The following UGT1A10 variants were observed in gnomAD, a reference collection of about 807,000 sequenced individuals.
UGT1A10 encodes the protein UDP-glucuronosyltransferase 1A10.
UGT1A10 carries 49 observed loss-of-function variants against 45.8 expected under a neutral mutation model. The ratio of observed to expected loss-of-function variants is 1.07; its 90% CI spans 0.85 to 1.36. UGT1A10 has a LOEUF of 1.36. Among genes scored for constraint, UGT1A10 ranks in the 40% most tolerant of loss-of-function variants. The pLI is 0.00. For missense variants in UGT1A10, 745 were observed against 668.6 expected (o/e 1.11, Z -1.26); for synonymous variants, 284 against 249.7 (o/e 1.14, Z -1.29).
At chr2:233,650,465 C>G (rs966587936) in intron 1 of UGT1A10, among the ~76,000 whole-genome samples, 3 of 152,210 alleles carry the variant, frequency 2.0e-5, no homozygotes, top group African/African-American at 7.2e-5. Flanking sequence ...TGTCAGTCTT[C>G]TTCAGTTAGA....
intron 1 of UGT1A10, chr2:233,760,742 C>T: frequency 3.1e-6 from 5 of 1,614,166 alleles, no homozygotes; most frequent in Non-Finnish European, 4.2e-6. Context: ...CTGACGGACC[C>T]TTTCCTTCCT....
intron 1 of UGT1A10, chr2:233,761,173 T>G (rs771182197): frequency 9.9e-6 from 16 of 1,614,128 alleles, no homozygotes; most frequent in Middle Eastern, 3.3e-4. Context: ...AGTGGGACTT[T>G]TACATGCGTA....
At chr2:233,763,025 C>T (rs532955500) in intron 1 of UGT1A10, among the ~76,000 whole-genome samples, 9 of 152,224 alleles carry the variant, frequency 5.9e-5, no homozygotes, top group African/African-American at 2.2e-4. Context: ...ATTATGTTAG[C>T]CATTGTTTTC....
chr2:233,693,423 A>G (rs769066377), intron 1 of UGT1A10: 10 of 1,614,114 alleles, frequency 6.2e-6, no homozygotes, highest in Non-Finnish European at 8.5e-6. Flanking sequence ...AACTTCTTTA[A>G]GGAGAGCAAG....
Position 233,755,093 on chromosome 2 carries a change from C to G in UGT1A10, c.856-11941C>G, listed in dbSNP as rs566230339. On this transcript the variant is annotated intron_variant, in intron 1 of 4. Transcript: ENST00000344644. ...AGCGGTCATAGATATCGCGTTTCTA[C>G]GCGTCCGACAACACCTCGTAGGCCT... The G allele has an allele frequency of 5.8e-4, 775 of 1,335,150 alleles. 7 individuals carry two copies. Among genetic ancestry groups the G allele is most frequent in the Non-Finnish European group, 7.2e-4 (713 of 992,692 alleles). The allele number at this position is 1,335,150 out of a possible 1,614,324, so 82.7% of individuals were successfully genotyped here. A position where few individuals can be genotyped will look rare whatever the true frequency, so the allele number is the denominator to read the frequency against.
intron 1 of UGT1A10, chr2:233,718,858 C>T: frequency 1.9e-6 from 3 of 1,613,692 alleles, no homozygotes; most frequent in African/African-American, 2.7e-5. Context: ...CCGCGGCTGG[C>T]CACAGGACTG....
chr2:233,675,884 T>G (rs2074338767), intron 1 of UGT1A10, among the ~76,000 whole-genome samples: 1 of 152,154 alleles, frequency 6.6e-6, no homozygotes, highest in African/African-American at 2.4e-5. Flanking sequence ...AGCCACAATA[T>G]CATTATCATA....
intron 1 of UGT1A10, chr2:233,747,895 C>T: frequency 6.2e-7 from 1 of 1,613,566 alleles, no homozygotes; most frequent in Non-Finnish European, 8.5e-7. Context: ...CATGCTCTTT[C>T]TGCTCCTTAT....
intron 1 of UGT1A10, among the ~76,000 whole-genome samples, chr2:233,654,147 G>T (rs772561774): frequency 1.2e-4 from 19 of 152,052 alleles, no homozygotes; most frequent in Non-Finnish European, 2.1e-4. Flanking sequence ...TAAAAATAAT[G>T]CTGACAATTT....
intron 1 of UGT1A10, among the ~76,000 whole-genome samples, chr2:233,751,504 G>A (rs879429871): frequency 1.3e-5 from 2 of 152,170 alleles, no homozygotes; most frequent in Non-Finnish European, 2.9e-5. Flanking sequence ...ATTTGGGAGG[G>A]GCCAGAGGGC....
intron 1 of UGT1A10, chr2:233,690,397 A>C: frequency 4.4e-6 from 5 of 1,142,502 alleles, no homozygotes; most frequent in Non-Finnish European, 5.7e-6. Context: ...AGACCTTCCT[A>C]TTCCCAACAT....
intron 1 of UGT1A10, among the ~76,000 whole-genome samples, chr2:233,737,934 C>T (rs1461776263): frequency 1.3e-5 from 2 of 152,038 alleles, no homozygotes; most frequent in East Asian, 3.9e-4. Flanking sequence ...AGTAGTGAGT[C>T]CATTGACTGT....
chr2:233,693,284 T>C, intron 1 of UGT1A10: 1 of 1,614,156 alleles, frequency 6.2e-7, no homozygotes, highest in Non-Finnish European at 8.5e-7. Context: ...TTACCAATCA[T>C]TTGGAAACAA....
In UGT1A10 at chr2:233,772,466, C is replaced by T. The variant is rs1700524185; in HGVS notation, c.1500C>T (p.Ala500=). 6.2e-7 allele frequency: 1 copy of T among 1,614,030 alleles called. No individual in the cohort carries two copies. The highest frequency in any genetic ancestry group is 1.3e-5 in the African/African-American group (1 of 74,904). The change falls in exon 5 of 5, where the codon GCC becomes GCT. Residue 500 remains alanine, a synonymous_variant. Transcript: ENST00000344644. ...GFLLAVVLTV[A]FITFKCCAYG... Reference sequence around the variant, plus strand: ...TCTTGGCCGTCGTGCTGACAGTGGCCTTCATCACCTTTAAATGTTGTGCTT... The same window carrying T: ...TCTTGGCCGTCGTGCTGACAGTGGCTTTCATCACCTTTAAATGTTGTGCTT...
chr2:233,645,093 T>C (rs990703048), intron 1 of UGT1A10, among the ~76,000 whole-genome samples: 1 of 152,174 alleles, frequency 6.6e-6, no homozygotes, highest in African/African-American at 2.4e-5. Flanking sequence ...AAAAGAACTT[T>C]AAAAAACAAT....
chr2:233,673,379 A>G (rs2074257660), intron 1 of UGT1A10, among the ~76,000 whole-genome samples: 1 of 152,202 alleles, frequency 6.6e-6, no homozygotes, highest in Non-Finnish European at 1.5e-5. Flanking sequence ...TAACCAATTA[A>G]TATTGATATA....
chr2:233,728,576 A>C (rs913961228), intron 1 of UGT1A10, among the ~76,000 whole-genome samples: 5 of 152,214 alleles, frequency 3.3e-5, no homozygotes, highest in African/African-American at 1.2e-4. Context: ...CCTGGTGCGA[A>C]AAACGACCAA....
At chr2:233,751,081 C>A (rs1306990263) in intron 1 of UGT1A10, among the ~76,000 whole-genome samples, 1 of 151,926 alleles carries the variant, frequency 6.6e-6, no homozygotes, top group African/African-American at 2.4e-5. Context: ...CCTCTGAAGG[C>A]AGCCAGGAGG....
intron 1 of UGT1A10, among the ~76,000 whole-genome samples, chr2:233,700,769 C>T (rs984104933): frequency 2.6e-5 from 4 of 151,824 alleles, no homozygotes; most frequent in South Asian, 4.2e-4. Context: ...ATGTGCACAA[C>T]GTACAGGTTT....
Sources: gnomAD v4.1 joint callset for allele counts (sites outside exome capture counted in the v4.1 genomes callset) on GRCh38, gnomAD v4.1.1 for gene constraint, MANE v1.5 for transcripts, NCBI Gene and HGNC (gene_info 2026-07-23, HGNC 2026-07-21) for gene names.